B3GALNT2: variants seen among roughly 807,000 people sequenced by gnomAD.
The protein encoded by B3GALNT2 is UDP-GalNAc:beta-1,3-N-acetylgalactosaminyltransferase 2.
A neutral mutation model predicts 61.1 loss-of-function variants in B3GALNT2; 53 were observed. That is an observed-to-expected ratio of 0.87 (90% CI 0.70 to 1.09). The LOEUF (loss-of-function observed/expected upper bound fraction) is 1.09. B3GALNT2 is among the 50% of genes least tolerant of loss of function. The pLI is 0.00. For missense variants in B3GALNT2, 544 were observed against 623.0 expected (o/e 0.87, Z 1.35); for synonymous variants, 223 against 237.4 (o/e 0.94, Z 0.56).
At chr1:235,495,422 A>G (rs1166190185) in intron 1 of B3GALNT2, among the ~76,000 whole-genome samples, 1 of 152,204 alleles carries the variant, frequency 6.6e-6, no homozygotes, top group African/African-American at 2.4e-5. Flanking sequence ...ACGCTGAAGG[A>G]CTTCCATACC....
At chr1:235,497,376 A>G (rs1016902364) in intron 1 of B3GALNT2, among the ~76,000 whole-genome samples, 2 of 152,206 alleles carry the variant, frequency 1.3e-5, no homozygotes, top group Non-Finnish European at 2.9e-5. Flanking sequence ...CCTGTGCTTC[A>G]ACTTCTTAAT....
chr1:235,453,974 G>A (rs1025644295), intron 10 of B3GALNT2, among the ~76,000 whole-genome samples, 182 bp downstream of exon 10: 52 of 152,072 alleles, frequency 3.4e-4, no homozygotes, highest in African/African-American at 1.0e-3. Flanking sequence ...GAGTGTATAC[G>A]TAGGTGGGAA....
chr1:235,448,934 C>CATAATAGCAATA lies in B3GALNT2; in HGVS notation c.*1260_*1271dup. 1 of 589,128 alleles carries CATAATAGCAATA rather than the reference C, an allele frequency of 1.7e-6. No individual in the cohort carries two copies. Among genetic ancestry groups the CATAATAGCAATA allele is most frequent in the Non-Finnish European group, 3.1e-6 (1 of 326,842 alleles). The allele number at this position is 589,128 out of a possible 1,614,324, so 36.5% of individuals were successfully genotyped here. On this transcript the variant is annotated 3_prime_UTR_variant, in exon 12 of 12. Transcript: ENST00000366600. ...GGAAGTGACCATTTCTAGGCTTATA[C>CATAATAGCAATA]ATAATAGCAATAATAAAGGCTTTGA...
downstream of B3GALNT2, among the ~76,000 whole-genome samples, chr1:235,443,195 T>TAC (rs61396968): frequency 0.091 from 13,637 of 149,556 alleles, 1,521 homozygotes; most frequent in East Asian, 0.5. Flanking sequence ...CATATATATA[T>TAC]ACACACACAC....
At chr1:235,498,334 A>G (rs1685423264) in intron 1 of B3GALNT2, among the ~76,000 whole-genome samples, 1 of 152,232 alleles carries the variant, frequency 6.6e-6, no homozygotes, top group African/African-American at 2.4e-5. Flanking sequence ...TAAGAAGTAA[A>G]CATGATACAG....
intron 2 of B3GALNT2, among the ~76,000 whole-genome samples, chr1:235,493,287 T>A (rs183882085): frequency 2.2e-4 from 34 of 152,178 alleles, no homozygotes; most frequent in African/African-American, 8.0e-4. Context: ...GAGCAACTGG[T>A]GGAGGAGTCA....
chr1:235,445,665 A>G (rs1009535856), downstream of B3GALNT2, among the ~76,000 whole-genome samples: 2 of 152,036 alleles, frequency 1.3e-5, no homozygotes, highest in Non-Finnish European at 2.9e-5. Context: ...CAAAACTGCA[A>G]TATCTTTTTT....
At chr1:235,457,989 C>T (rs1683246767) in intron 8 of B3GALNT2, among the ~76,000 whole-genome samples, 2 of 151,740 alleles carry the variant, frequency 1.3e-5, no homozygotes, top group Admixed American at 1.3e-4. Flanking sequence ...TCACTGCAAC[C>T]TCCGCCTTCT....
chr1:235,444,617 C>T (rs1682120826), downstream of B3GALNT2, among the ~76,000 whole-genome samples: 1 of 152,176 alleles, frequency 6.6e-6, no homozygotes, highest in South Asian at 2.1e-4. Flanking sequence ...GTTGCTAAGG[C>T]TGGCCTCAAA....
chr1:235,474,987 A>ATATATTTT (rs1180244284), intron 5 of B3GALNT2, among the ~76,000 whole-genome samples: 1 of 35,570 alleles, frequency 2.8e-5, no homozygotes, highest in East Asian at 8.9e-4. Context: ...ATATATATAT[A>ATATATTTT]TTTTTTTTTT....
chr1:235,474,987 A>ATATATTTTTTT (rs1180244284), intron 5 of B3GALNT2, among the ~76,000 whole-genome samples: 1 of 35,572 alleles, frequency 2.8e-5, no homozygotes, highest in African/African-American at 1.1e-4. Context: ...ATATATATAT[A>ATATATTTTTTT]TTTTTTTTTT....
downstream of B3GALNT2, among the ~76,000 whole-genome samples, chr1:235,445,018 A>G (rs763508695): frequency 2.0e-5 from 3 of 152,214 alleles, no homozygotes; most frequent in South Asian, 4.1e-4. Flanking sequence ...TCTGAGATTC[A>G]GTTAGCCATT....
the B3GALNT2 span, among the ~76,000 whole-genome samples, chr1:235,439,875 C>T: frequency 1.3e-5 from 2 of 152,116 alleles, no homozygotes; most frequent in African/African-American, 4.8e-5. Flanking sequence ...AATCTCAGCT[C>T]ATTGCAACCT....
At chr1:235,478,647 T>C (rs921952829) in intron 5 of B3GALNT2, among the ~76,000 whole-genome samples, 3 of 152,158 alleles carry the variant, frequency 2.0e-5, no homozygotes, top group Admixed American at 6.5e-5. Context: ...CACCGAAAAA[T>C]TGAAACTCTA....
intron 2 of B3GALNT2, among the ~76,000 whole-genome samples, chr1:235,492,502 A>G (rs1208679633): frequency 6.6e-6 from 1 of 152,256 alleles, no homozygotes; most frequent in Non-Finnish European, 1.5e-5. Flanking sequence ...TATATTCATT[A>G]CATTTGGTTC....
chr1:235,457,012 A>T (rs1486866887), intron 8 of B3GALNT2, among the ~76,000 whole-genome samples: 1 of 152,162 alleles, frequency 6.6e-6, no homozygotes, highest in African/African-American at 2.4e-5. Context: ...AAATTATATT[A>T]ATTTGCCCCA....
intron 5 of B3GALNT2, among the ~76,000 whole-genome samples, chr1:235,475,562 T>G (rs1224203499): frequency 3.9e-5 from 6 of 152,126 alleles, no homozygotes; most frequent in Non-Finnish European, 8.8e-5. Context: ...CAGCAAACAA[T>G]CACTATCATT....
chr1:235,504,324 C>CTA lies in B3GALNT2; in HGVS notation c.-73_-72insTA. ...GGGAGGGGACCTGCAAGTGCGGAGA[C>CTA]TGAGGGGCGGCGGCTGACGAGCGAC... On this transcript the variant is annotated 5_prime_UTR_variant, in exon 1 of 12. Transcript: ENST00000366600. The CTA allele has an allele frequency of 7.0e-7, 1 of 1,435,436 alleles. No homozygotes were observed. The highest frequency in any genetic ancestry group is 9.1e-7 in the Non-Finnish European group (1 of 1,093,206). The allele number at this position is 1,435,436 out of a possible 1,614,324, so 88.9% of individuals were successfully genotyped here. A position where few individuals can be genotyped will look rare whatever the true frequency, so the allele number is the denominator to read the frequency against.
Position 235,448,317 on chromosome 1 carries a change from A to G in B3GALNT2, c.*1889T>C, listed in dbSNP as rs367701832. On this transcript the variant is annotated 3_prime_UTR_variant, in exon 12 of 12. Coordinates refer to ENST00000366600, the MANE Select transcript of B3GALNT2 (RefSeq NM_152490.5). ...GTTTTACAGGTAACTGTCATTTGAG[A>G]GAACGAATGGACTTTTCTTGTCTTT... The G allele has an allele frequency of 2.5e-6, 4 of 1,590,896 alleles. No individual in the cohort carries two copies. In the African/African-American group the frequency reaches 5.4e-5, roughly 21 times the overall value.
Sources: gnomAD v4.1 joint callset for allele counts (sites outside exome capture counted in the v4.1 genomes callset) on GRCh38, gnomAD v4.1.1 for gene constraint, MANE v1.5 for transcripts, NCBI Gene and HGNC (gene_info 2026-07-23, HGNC 2026-07-21) for gene names.